Variants in SLC2A7 observed in about 807,000 individuals in gnomAD.
The protein encoded by SLC2A7 is solute carrier family 2, facilitated glucose transporter member 7.
A neutral mutation model predicts 50.5 loss-of-function variants in SLC2A7; 50 were observed. That is an observed-to-expected ratio of 0.99 (90% CI 0.79 to 1.25). SLC2A7 has a LOEUF of 1.25. Among genes scored for constraint, SLC2A7 ranks in the 50% most tolerant of loss-of-function variants. The pLI is 0.00. For missense variants in SLC2A7, 683 were observed against 679.1 expected, an observed-to-expected ratio of 1.01 and a Z score of -0.06; for synonymous variants, 308 against 300.4, an observed-to-expected ratio of 1.03 and a Z score of -0.26.
chr1:9,022,615 C>T (rs967557921), intron 3 of SLC2A7, among the ~76,000 whole-genome samples: 2 of 152,054 alleles, frequency 1.3e-5, no homozygotes, highest in African/African-American at 4.8e-5. Flanking sequence ...TACTGAACAC[C>T]CACTGGAAGT....
At position 9,013,683 on chromosome 1, in the gene SLC2A7, G is replaced by A. The variant is rs781352423; in HGVS notation, c.904-48C>T. 10 of 1,525,958 alleles carry A rather than the reference G, an allele frequency of 6.6e-6. No homozygotes were observed. The Admixed American group carries it at 8.8e-5, about 13-fold the overall frequency. The allele number at this position is 1,525,958 out of a possible 1,614,324, so 94.5% of individuals were successfully genotyped here. ...CAGGACAGGCCGGAAGACCCAGGAC[G>A]CTGGCTTAACTTTCTCAACTCAAGC... On this transcript the variant is annotated intron_variant, in intron 7 of 11. Transcript: ENST00000400906.
chr1:9,014,699 C>G lies in SLC2A7; in HGVS notation c.885G>C (p.Gln295His). ...CACATACCGCATTGATGCCCGACAG[C>G]TGCTGGCCGGCCATGAGCACGATGA... ...LSIIVLMAGQ[Q>H]LSGINAINYY... The change falls in exon 7 of 12, where the codon CAG (glutamine) becomes CAC (histidine). Residue 295 changes from glutamine (Q) to histidine (H), a missense_variant. Gln to His is a conservative substitution (Grantham distance 24, BLOSUM62 0). Coordinates refer to ENST00000400906, the MANE Select transcript of SLC2A7 (RefSeq NM_207420.3). 6.4e-7 allele frequency: 1 copy of G among 1,559,710 alleles called. No individual in the cohort carries two copies. The highest frequency in any genetic ancestry group is 8.7e-7 in the Non-Finnish European group (1 of 1,151,690).
intron 10 of SLC2A7, among the ~76,000 whole-genome samples, chr1:9,006,945 G>A (rs1247069310): frequency 6.6e-6 from 1 of 152,154 alleles, no homozygotes; most frequent in African/African-American, 2.4e-5. Flanking sequence ...GTGTGCTGTG[G>A]GCTTGGAGGC....
the SLC2A7 span, among the ~76,000 whole-genome samples, chr1:8,996,183 CAA>C: frequency 6.6e-6 from 1 of 152,116 alleles, no homozygotes; most frequent in East Asian, 1.9e-4. Context: ...TCATTGCCCC[CAA>C]AAGTTTCCCC....
In SLC2A7 at chr1:9,015,160, G is replaced by C. The variant is rs374030740; in HGVS notation, c.672C>G (p.Arg224=). ...LTLPFFPESP[R]YSLIQKGDEA... ...CATCTCCTTTCTGAATCAGGGAGTA[G>C]CGGGGGCTTTCGGGGAAGAAGGGCA... The change falls in exon 6 of 12, where the codon CGC becomes CGG. Residue 224 remains arginine (R), a synonymous_variant. Transcript: ENST00000400906. 6.2e-7 allele frequency: 1 copy of C among 1,613,380 alleles called. No individual in the cohort carries two copies.
At chr1:9,013,443 G>A (rs1640779353) in intron 8 of SLC2A7, 82 bp downstream of exon 8, 7 of 1,236,176 alleles carry the variant, frequency 5.7e-6, no homozygotes, top group Non-Finnish European at 6.9e-6. Flanking sequence ...CCAGCACTCA[G>A]TTCACTCTGT....
intron 5 of SLC2A7, among the ~76,000 whole-genome samples, chr1:9,016,752 T>C (rs1640836437): frequency 6.6e-6 from 1 of 152,010 alleles, no homozygotes; most frequent in African/African-American, 2.4e-5. Context: ...GAAACCCCAC[T>C]GGGTTCCTGG....
At chr1:9,002,778 C>T (rs1382530620), downstream of SLC2A7, among the ~76,000 whole-genome samples, 1 of 152,230 alleles carries the variant, frequency 6.6e-6, no homozygotes, top group East Asian at 1.9e-4. Flanking sequence ...ACGAGAAATA[C>T]CCACAGGTGT....
chr1:9,023,752 A>G (rs1640949726), intron 2 of SLC2A7, among the ~76,000 whole-genome samples: 1 of 106,322 alleles, frequency 9.4e-6, no homozygotes, highest in African/African-American at 3.7e-5. Flanking sequence ...ATTAAAAAAG[A>G]AGAGAAAAGA....
chr1:9,019,188 C>T (rs964825504), intron 4 of SLC2A7, 21 bp downstream of exon 4: 36 of 1,611,296 alleles, frequency 2.2e-5, no homozygotes, highest in Non-Finnish European at 2.9e-5. Context: ...AAGGCTGAGC[C>T]GGAGCCTGGG....
intron 3 of SLC2A7, among the ~76,000 whole-genome samples, chr1:9,020,995 A>G (rs532808789): frequency 1.3e-5 from 2 of 152,186 alleles, no homozygotes; most frequent in African/African-American, 4.8e-5. Flanking sequence ...AGGCTTTCCC[A>G]GCCACGTGGA....
chr1:8,995,105 C>G, the SLC2A7 span, among the ~76,000 whole-genome samples: 1 of 151,284 alleles, frequency 6.6e-6, no homozygotes. Flanking sequence ...CACACGTCTC[C>G]CCACCAGGTG....
intron 4 of SLC2A7, among the ~76,000 whole-genome samples, chr1:9,018,614 G>A (rs545214352): frequency 7.2e-5 from 11 of 152,336 alleles, no homozygotes; most frequent in African/African-American, 1.7e-4. Flanking sequence ...TCTAGCCACC[G>A]GGCTGGGCCG....
At chr1:9,014,633 C>A (rs1378716313) in intron 7 of SLC2A7, 48 bp downstream of exon 7, 2 of 1,547,398 alleles carry the variant, frequency 1.3e-6, no homozygotes, top group Non-Finnish European at 1.7e-6. Flanking sequence ...ATCCATGAAG[C>A]CTGGGTCTGC....
At chr1:9,017,718 A>C (rs940354477) in intron 5 of SLC2A7, among the ~76,000 whole-genome samples, 14 of 152,154 alleles carry the variant, frequency 9.2e-5, no homozygotes, top group African/African-American at 3.4e-4. Context: ...GCAGACCTTC[A>C]GAGGGCCACA....
At chr1:8,993,900 T>C in the SLC2A7 span, among the ~76,000 whole-genome samples, 1 of 152,188 alleles carries the variant, frequency 6.6e-6, no homozygotes, top group Non-Finnish European at 1.5e-5. Context: ...GTACTGGGAT[T>C]ACAGGCATGA....
intron 1 of SLC2A7, among the ~76,000 whole-genome samples, chr1:9,025,455 A>G (rs1640982773): frequency 6.6e-6 from 1 of 152,130 alleles, no homozygotes; most frequent in South Asian, 2.1e-4. Flanking sequence ...CCAAATAGCT[A>G]GAATGCTGTG....
rs111801535 is a variant in SLC2A7 at position 9,016,649 on chromosome 1, GAGGA to G, written c.590-1411_590-1408del. 3.9e-3 allele frequency among the ~76,000 whole-genome samples: 577 copies of G among 149,608 alleles called. 6 individuals carry two copies. Among genetic ancestry groups the G allele is most frequent in the African/African-American group, 0.013 (516 of 40,650 alleles). ...GGAGGGAGGGAGGGAAGAAGAGAGA[GAGGA>G]AGGAAGGAAGGAAGGAAGGAAAGGA... On this transcript the variant is annotated intron_variant, in intron 5 of 11. Transcript: ENST00000400906.
At position 9,004,945 on chromosome 1, in the gene SLC2A7, G is replaced by A. The variant is rs540717121; in HGVS notation, c.1193-66C>T. The A allele has an allele frequency of 4.2e-5, 65 of 1,540,262 alleles. No individual in the cohort carries two copies. In the East Asian group the frequency reaches 7.0e-4, roughly 17 times the overall value. On this transcript the variant is annotated intron_variant, in intron 10 of 11. Transcript: ENST00000400906. The stretch of plus-strand genomic sequence containing the variant: ...AGGTGTCCCCCAGGGCTGGCGGGAC[G>A]CGGCCCACTCTAGCCTCTGACCTAG...
Sources: allele counts gnomAD v4.1 joint callset (sites outside exome capture counted in the v4.1 genomes callset), GRCh38; gene constraint gnomAD v4.1.1; transcripts MANE v1.5; gene names NCBI Gene and HGNC (gene_info 2026-07-23, HGNC 2026-07-21).